The following PDGFC variants were observed in gnomAD, a reference collection of about 807,000 sequenced individuals.
The protein encoded by PDGFC is platelet derived growth factor C, also known as platelet-derived growth factor C.
In PDGFC, 12 loss-of-function variants were observed where a neutral mutation model predicts 35.5. The observed-to-expected ratio is 0.34, with a 90% confidence interval of 0.22 to 0.55. PDGFC has a LOEUF of 0.55. Among genes scored for constraint, PDGFC ranks in the 20% least tolerant of loss-of-function variants. The pLI, the probability that PDGFC is intolerant of heterozygous loss-of-function variation, is 0.91. For missense variants in PDGFC, 322 were observed against 412.4 expected, an observed-to-expected ratio of 0.78 and a Z score of 1.90; for synonymous variants, 159 against 148.8, an observed-to-expected ratio of 1.07 and a Z score of -0.50.
chr4:156,885,905 A>G (rs1190995882), intron 1 of PDGFC, among the ~76,000 whole-genome samples: 1 of 152,116 alleles, frequency 6.6e-6, no homozygotes, highest in Non-Finnish European at 1.5e-5. Context: ...ATAAATAAAT[A>G]AAATTCAGGC....
chr4:156,961,466 CT>C (rs1732342199), intron 1 of PDGFC, among the ~76,000 whole-genome samples: 1 of 152,226 alleles, frequency 6.6e-6, no homozygotes, highest in Non-Finnish European at 1.5e-5. Context: ...ATAGTATCCA[CT>C]CATGAACAAG....
rs1466690501 is a variant in PDGFC, at chr4:156,762,190, C to T, written c.*900G>A. 1 of 152,546 alleles carries T rather than the reference C, an allele frequency of 6.6e-6. No homozygotes were observed. Among genetic ancestry groups the T allele is most frequent in the African/African-American group, 2.4e-5 (1 of 41,424 alleles). The allele number at this position is 152,546 out of a possible 1,614,324, so 9.4% of individuals were successfully genotyped here. On this transcript the variant is annotated 3_prime_UTR_variant, in exon 6 of 6. Coordinates refer to ENST00000502773, the MANE Select transcript of PDGFC (RefSeq NM_016205.3). ...AATACATGTATTTTTGTCAGAGCAA[C>T]AATATTTTATATCATCTTTGTTCCT...
At chr4:156,937,057 A>G (rs1437132721) in intron 1 of PDGFC, among the ~76,000 whole-genome samples, 2 of 152,236 alleles carry the variant, frequency 1.3e-5, no homozygotes, top group Admixed American at 6.5e-5. Flanking sequence ...CCACGTAGAC[A>G]GCACTGCACG....
At chr4:156,825,256 TA>T (rs965326673) in intron 2 of PDGFC, among the ~76,000 whole-genome samples, 52 of 151,696 alleles carry the variant, frequency 3.4e-4, no homozygotes, top group African/African-American at 1.1e-3. Context: ...TTAAAGGGCA[TA>T]AAAATTTAAG....
At chr4:156,952,940 T>C (rs2110943615) in intron 1 of PDGFC, among the ~76,000 whole-genome samples, 1 of 152,028 alleles carries the variant, frequency 6.6e-6, no homozygotes, top group Non-Finnish European at 1.5e-5. Context: ...TTCATCTAGG[T>C]TTAAGACAAT....
intron 1 of PDGFC, among the ~76,000 whole-genome samples, chr4:156,940,917 T>A (rs770001877): frequency 1.3e-5 from 2 of 152,288 alleles, no homozygotes; most frequent in Non-Finnish European, 1.5e-5. Flanking sequence ...TATTTTTTCA[T>A]AAATATGTTA....
intron 1 of PDGFC, among the ~76,000 whole-genome samples, chr4:156,905,508 A>G (rs1379895450): frequency 6.6e-6 from 1 of 152,088 alleles, no homozygotes; most frequent in Admixed American, 6.5e-5. Flanking sequence ...AACCCAAATA[A>G]CACAGAGTTT....
At chr4:156,777,216 T>G (rs1440890285) in intron 3 of PDGFC, among the ~76,000 whole-genome samples, 1 of 152,170 alleles carries the variant, frequency 6.6e-6, no homozygotes, top group East Asian at 1.9e-4. Context: ...AAGGCATGTC[T>G]GGCTTATAAA....
chr4:156,818,044 A>G (rs1037910360), intron 2 of PDGFC, among the ~76,000 whole-genome samples: 2 of 146,626 alleles, frequency 1.4e-5, no homozygotes, highest in Non-Finnish European at 3.0e-5. Context: ...CGGAGACAAG[A>G]GCAATACTCC....
At chr4:156,818,016 G>A (rs979745372) in intron 2 of PDGFC, among the ~76,000 whole-genome samples, 9 of 149,486 alleles carry the variant, frequency 6.0e-5, no homozygotes, top group East Asian at 2.0e-4. Context: ...CCAAGATCAC[G>A]CCAACGCACT....
intron 1 of PDGFC, among the ~76,000 whole-genome samples, chr4:156,882,670 T>C (rs1730271110): frequency 6.6e-6 from 1 of 152,228 alleles, no homozygotes. Flanking sequence ...TGTCAATCTT[T>C]TGACTAAAAG....
intron 2 of PDGFC, among the ~76,000 whole-genome samples, chr4:156,833,377 A>G (rs1560832560): frequency 6.6e-6 from 1 of 152,244 alleles, no homozygotes; most frequent in African/African-American, 2.4e-5. Flanking sequence ...TGTTCACATA[A>G]TCTAACTGCT....
At chr4:156,810,744 T>A in intron 3 of PDGFC, 93 bp downstream of exon 3, 2 of 828,460 alleles carry the variant, frequency 2.4e-6, no homozygotes, top group Non-Finnish European at 3.8e-6. Context: ...TGTTTTCTGA[T>A]TTTTTTTCTG....
At chr4:156,890,739 T>C (rs1456049943) in intron 1 of PDGFC, among the ~76,000 whole-genome samples, 2 of 152,208 alleles carry the variant, frequency 1.3e-5, no homozygotes, top group Non-Finnish European at 2.9e-5. Context: ...AATGCTAATA[T>C]AAAAAATCCC....
intron 1 of PDGFC, among the ~76,000 whole-genome samples, chr4:156,878,297 C>T (rs1031478831): frequency 1.2e-4 from 19 of 152,068 alleles, no homozygotes; most frequent in African/African-American, 4.6e-4. Context: ...GCAGTGAAGT[C>T]CAGTCACCAG....
intron 1 of PDGFC, among the ~76,000 whole-genome samples, chr4:156,912,339 C>G (rs1731058244): frequency 6.6e-6 from 1 of 152,170 alleles, no homozygotes; most frequent in African/African-American, 2.4e-5. Flanking sequence ...ACTGCATCTA[C>G]TATATCTAAG....
chr4:156,928,151 C>G (rs1245071303), intron 1 of PDGFC, among the ~76,000 whole-genome samples: 3 of 152,138 alleles, frequency 2.0e-5, no homozygotes, highest in Admixed American at 2.0e-4. Flanking sequence ...AGGTCCCTCC[C>G]ACAACACGTA....
At chr4:156,943,183 A>G (rs1267680527) in intron 1 of PDGFC, among the ~76,000 whole-genome samples, 2 of 152,082 alleles carry the variant, frequency 1.3e-5, no homozygotes, top group South Asian at 2.1e-4. Flanking sequence ...GTGTATCAAT[A>G]TATCAACAGC....
chr4:156,825,578 T>TAAGAAGAAG lies in PDGFC; in HGVS notation c.315-14562_315-14561insCTTCTTCTT, dbSNP rs1304163404. ...ATAATAATAATAATAATAATAATAATAATAATAATAATAATAAGAAGAAGA... is the reference window on the plus strand; with the variant it reads ...ATAATAATAATAATAATAATAATAATAAGAAGAAGAATAATAATAATAATAAGAAGAAGA... On this transcript the variant is annotated intron_variant, in intron 2 of 5. Transcript: ENST00000502773. Among the ~76,000 whole-genome samples the TAAGAAGAAG allele has an allele frequency of 1.6e-3, 149 of 94,938 alleles. 1 individual carries two copies. The highest frequency in any genetic ancestry group is 3.2e-3 in the South Asian group (9 of 2,856). 62.3% of individuals were successfully genotyped at this position (94,938 alleles called of 152,430 possible).
Sources: gnomAD v4.1 joint callset for allele counts (sites outside exome capture counted in the v4.1 genomes callset) on GRCh38, gnomAD v4.1.1 for gene constraint, MANE v1.5 for transcripts, NCBI Gene and HGNC (gene_info 2026-07-23, HGNC 2026-07-21) for gene names.